The following STAG2 variants were observed in gnomAD, a reference collection of about 807,000 sequenced individuals.
The protein encoded by STAG2 is STAG2 cohesin complex component.
STAG2 carries 14 observed loss-of-function variants against 108.1 expected under a neutral mutation model. The ratio of observed to expected loss-of-function variants is 0.13; its 90% CI spans 0.09 to 0.20. The LOEUF (loss-of-function observed/expected upper bound fraction) is 0.20, where lower values mean the gene tolerates loss of function less well. Ranked by LOEUF, STAG2 falls within the 10% of genes least tolerant of loss-of-function variation. STAG2 has a pLI of 1.00. For synonymous variants in STAG2, 307 were observed against 302.7 expected, an observed-to-expected ratio of 1.01 and a Z score of -0.15; for missense variants, 440 against 940.9, an observed-to-expected ratio of 0.47 and a Z score of 6.96.
chrX:124,067,055 TCA>T lies in STAG2; in HGVS notation c.2265+624_2265+625del, dbSNP rs200891372. On this transcript the variant is annotated intron_variant, in intron 23 of 34. Coordinates refer to ENST00000371145, the MANE Select transcript of STAG2 (RefSeq NM_001042750.2). Reference sequence around the variant, plus strand: ...TTGTTTGGGCTCATTTTTAGAAATATCACACAGTTTCTAAGAGTTCTGGAGTT... The same window carrying T: ...TTGTTTGGGCTCATTTTTAGAAATATCACAGTTTCTAAGAGTTCTGGAGTT... Among the ~76,000 whole-genome samples the T allele has an allele frequency of 4.6e-3, 514 of 111,572 alleles. 2 individuals are homozygous for T. Among genetic ancestry groups the T allele is most frequent in the African/African-American group, 0.016 (496 of 30,681 alleles).
intron 2 of STAG2, among the ~76,000 whole-genome samples, chrX:124,022,320 G>A (rs1490734789): frequency 1.3e-4 from 14 of 107,794 alleles, no homozygotes; most frequent in Non-Finnish European, 2.5e-4. Context: ...GCAGTGAGCC[G>A]AGATCGTGCC....
Position 124,065,856 on chromosome X carries a change from T to C in STAG2, c.2026-20T>C, listed in dbSNP as rs1398660459. ...GAGTTTTCACTTTGATGGTTCTTAA[T>C]GTATAATTAATATTTATAGGGTGAA... On this transcript the variant is annotated intron_variant, in intron 20 of 34. Transcript: ENST00000371145. The C allele has an allele frequency of 1.4e-5, 15 of 1,075,542 alleles. No individual in the cohort carries two copies. Among genetic ancestry groups the C allele is most frequent in the Non-Finnish European group, 1.9e-5 (15 of 803,513 alleles). The allele number at this position is 1,075,542 out of a possible 1,213,427, so 88.6% of individuals were successfully genotyped here.
intron 20 of STAG2, among the ~76,000 whole-genome samples, chrX:124,065,420 G>A (rs900730355): frequency 2.7e-5 from 3 of 111,174 alleles, no homozygotes; most frequent in Admixed American, 1.9e-4. Flanking sequence ...ATCCAAATGG[G>A]ACCAGCATAT....
chrX:123,965,550 A>G (rs1265061378), intron 1 of STAG2, among the ~76,000 whole-genome samples: 2 of 111,792 alleles, frequency 1.8e-5, no homozygotes, highest in East Asian at 5.5e-4. Flanking sequence ...GCAGTTTAGT[A>G]ATGCTTAATA....
chrX:124,092,850 T>G (rs758182008), intron 32 of STAG2, among the ~76,000 whole-genome samples: 2 of 112,362 alleles, frequency 1.8e-5, no homozygotes, highest in Non-Finnish European at 3.8e-5. Context: ...CACGGTTGCC[T>G]CTACAAAATA....
intron 1 of STAG2, among the ~76,000 whole-genome samples, chrX:124,020,390 A>G (rs1329035744): frequency 1.8e-5 from 2 of 112,189 alleles, no homozygotes; most frequent in African/African-American, 6.5e-5. Context: ...TGCCGTCTAG[A>G]TGACCTGACC....
At chrX:124,079,719 T>C (rs1395988834) in intron 27 of STAG2, among the ~76,000 whole-genome samples, 2 of 112,856 alleles carry the variant, frequency 1.8e-5, no homozygotes, top group Non-Finnish European at 3.7e-5. Context: ...CTGTACTGTT[T>C]AGAAAATATA....
chrX:124,006,209 A>C (rs1295095395), intron 1 of STAG2, among the ~76,000 whole-genome samples: 1 of 111,157 alleles, frequency 9.0e-6, no homozygotes, highest in Non-Finnish European at 1.9e-5. Flanking sequence ...GCTATTACAA[A>C]CAAAGGTCCT....
intron 9 of STAG2, 128 bp from the exon 10 acceptor site, chrX:124,048,877 G>T: frequency 2.0e-6 from 1 of 504,226 alleles, no homozygotes; most frequent in Non-Finnish European, 3.5e-6. Flanking sequence ...GGTTACTGTT[G>T]TCTAGTATAA....
At chrX:123,983,781 G>T (rs1315641324) in intron 1 of STAG2, among the ~76,000 whole-genome samples, 1 of 109,344 alleles carries the variant, frequency 9.1e-6, no homozygotes, top group African/African-American at 3.3e-5. Flanking sequence ...TATGGAAAAA[G>T]ATATCCTTTA....
intron 23 of STAG2, among the ~76,000 whole-genome samples, chrX:124,067,058 C>T (rs1264208044): frequency 9.1e-6 from 1 of 110,424 alleles, no homozygotes; most frequent in Admixed American, 9.6e-5. Flanking sequence ...AGAAATATCA[C>T]ACAGTTTCTA....
In STAG2 at chrX:124,063,972, G is replaced by A. The variant is rs2148326893; in HGVS notation, c.1946G>A (p.Arg649Lys). The change falls in exon 20 of 35, where the codon AGA (arginine) becomes AAA (lysine). Residue 649 changes from arginine (R) to lysine (K), a missense_variant. Around this residue, in one of 3 missense-constraint regions of STAG2, gnomAD observed 337 missense variants for 649.3 expected, o/e 0.52. Transcript: ENST00000371145. ...AATGAAGAGTTCACAATCTTCAACAGAGTAGATATTTCAAGAAGTCAACTG... is the reference window on the plus strand; with the variant it reads ...AATGAAGAGTTCACAATCTTCAACAAAGTAGATATTTCAAGAAGTCAACTG... Reference protein sequence around the residue: ...LCNEEFTIFNRVDISRSQLID... With the variant: ...LCNEEFTIFNKVDISRSQLID... 1.7e-6 allele frequency: 2 copies of A among 1,210,458 alleles called. No homozygotes were observed. The highest frequency in any genetic ancestry group is 3.5e-5 in the South Asian group (2 of 56,830).
chrX:124,074,840 A>G (rs1002458289), intron 25 of STAG2, among the ~76,000 whole-genome samples: 2 of 112,169 alleles, frequency 1.8e-5, no homozygotes, highest in African/African-American at 6.5e-5. Flanking sequence ...TCTGAATATC[A>G]TAGGATAGTT....
intron 1 of STAG2, among the ~76,000 whole-genome samples, chrX:123,971,415 A>G (rs1222425559): frequency 8.9e-6 from 1 of 112,057 alleles, no homozygotes; most frequent in Admixed American, 9.5e-5. Flanking sequence ...GCAACAGAGC[A>G]AGACTCTTGT....
At chrX:123,989,440 C>G (rs1260121469) in intron 1 of STAG2, among the ~76,000 whole-genome samples, 1 of 110,763 alleles carries the variant, frequency 9.0e-6, no homozygotes, top group Admixed American at 9.7e-5. Context: ...TTTACAATAT[C>G]AGCATATTTT....
At chrX:124,091,346 AT>A (rs2059247461) in intron 32 of STAG2, among the ~76,000 whole-genome samples, 1 of 110,968 alleles carries the variant, frequency 9.0e-6, no homozygotes, top group Non-Finnish European at 1.9e-5. Flanking sequence ...TCTCCCATTT[AT>A]TTTCTCACCA....
upstream of STAG2, chrX:123,960,602 C>CAAAAAAAAAAAAAAAAA (rs1208693829): frequency 7.1e-4 from 5 of 7,011 alleles, 1 homozygote; most frequent in African/African-American, 1.6e-3. Context: ...GAAGCGCCAC[C>CAAAAAAAAAAAAAAAAA]AAAAAAAAAA....
In STAG2 at chrX:124,042,662, AGT is replaced by A; in HGVS notation, c.462+20_462+21del. 1 of 1,084,617 alleles carries A rather than the reference AGT, an allele frequency of 9.2e-7. No homozygotes were observed. Among genetic ancestry groups the A allele is most frequent in the Non-Finnish European group, 1.3e-6 (1 of 781,150 alleles). 89.4% of individuals were successfully genotyped at this position (1,084,617 alleles called of 1,213,427 possible). On this transcript the variant is annotated intron_variant, in intron 7 of 34. Coordinates refer to ENST00000371145, the MANE Select transcript of STAG2 (RefSeq NM_001042750.2). ...TTCGATGAGGTAACTTACTACCTTA[AGT>A]GTTTTGATAACTTATGCATGTTTAT... is the stretch of plus-strand genomic sequence containing the variant.
At chrX:124,009,159 C>T (rs183150721) in intron 1 of STAG2, among the ~76,000 whole-genome samples, 3 of 110,801 alleles carry the variant, frequency 2.7e-5, no homozygotes, top group Admixed American at 9.7e-5. Context: ...CTTAGCATCT[C>T]GATAGTTCTT....
Sources: allele counts gnomAD v4.1 joint callset (sites outside exome capture counted in the v4.1 genomes callset), GRCh38; gene constraint gnomAD v4.1.1; regional missense constraint gnomAD v4.1.1; transcripts MANE v1.5; gene names NCBI Gene and HGNC (gene_info 2026-07-23, HGNC 2026-07-21).